CACTIN: variants seen among roughly 807,000 people sequenced by gnomAD.
The protein encoded by CACTIN is cactin, spliceosome C complex subunit.
Under a neutral mutation model 84.9 loss-of-function variants are expected in CACTIN, and 20 were observed. The ratio of observed to expected loss-of-function variants is 0.24; its 90% CI spans 0.17 to 0.34. The LOEUF (loss-of-function observed/expected upper bound fraction) is 0.34. CACTIN is among the 10% of genes least tolerant of loss of function. The probability of loss-of-function intolerance (pLI) is 1.00; values close to 1 mark genes in which losing one functional copy is unlikely to be tolerated. For missense variants in CACTIN, 897 were observed against 1,117.2 expected, an observed-to-expected ratio of 0.80 and a Z score of 2.81; for synonymous variants, 549 against 467.9, an observed-to-expected ratio of 1.17 and a Z score of -2.24.
intron 6 of CACTIN, chr19:3,616,322 T>C (rs1272018058): frequency 1.3e-5 from 2 of 152,260 alleles, no homozygotes; most frequent in East Asian, 3.8e-4. Flanking sequence ...AACTTATTCA[T>C]GTAAACGGCC....
Position 3,614,447 on chromosome 19 carries a change from G to A in CACTIN, c.1305C>T (p.Gly435=). 1 of 1,595,702 alleles carries A rather than the reference G, an allele frequency of 6.3e-7. No individual in the cohort carries two copies. Among genetic ancestry groups the A allele is most frequent in the African/African-American group, 1.3e-5 (1 of 74,696 alleles). Residue 435 remains glycine (G), a synonymous_variant, in exon 7 of 10, where the codon GGC becomes GGT. Transcript: ENST00000429344. The part of the protein sequence containing the change: ...IRAGGPNLDM[G]YWESLLQQLR... ...GCTGCTGCAGGAGGCTCTCCCAGTA[G>A]CCCATGTCCAGGTTGGGGCCACCAG...
Position 3,620,741 on chromosome 19 carries a change from C to T in CACTIN, c.704G>A (p.Arg235Lys), listed in dbSNP as rs1014670036. 5 of 1,613,418 alleles carry T rather than the reference C, an allele frequency of 3.1e-6. No homozygotes were observed. Among genetic ancestry groups the T allele is most frequent in the Admixed American group, 3.3e-5 (2 of 59,994 alleles). The change falls in exon 3 of 10, where the codon AGG (arginine) becomes AAG (lysine). Residue 235 changes from arginine to lysine, a missense_variant. Coordinates refer to ENST00000429344, the MANE Select transcript of CACTIN (RefSeq NM_001080543.2). ...CTCCAGCCGGTTGTCCTCCTGGATCCTCTTGTTCCGCTCCTTCAGCTCCTT... is the reference window on the plus strand; with the variant it reads ...CTCCAGCCGGTTGTCCTCCTGGATCTTCTTGTTCCGCTCCTTCAGCTCCTT... ...EEKELKERNK[R>K]IQEDNRLELQ...
In CACTIN at chr19:3,620,681, G is replaced by C. The variant is rs201825760; in HGVS notation, c.738+26C>G. 3,573 of 1,583,152 alleles carry C rather than the reference G, an allele frequency of 2.3e-3. 6 individuals carry two copies. The highest frequency in any genetic ancestry group is 2.9e-3 in the Non-Finnish European group (3,358 of 1,160,086). ...CCAGGCCCTGGAAAGGGAGGGCCCTGCCCAGTGGGCTGGCAGGGTGCCTAC... is the reference window on the plus strand; with the variant it reads ...CCAGGCCCTGGAAAGGGAGGGCCCTCCCCAGTGGGCTGGCAGGGTGCCTAC... On this transcript the variant is annotated intron_variant, in intron 3 of 9. Coordinates refer to ENST00000429344, the MANE Select transcript of CACTIN (RefSeq NM_001080543.2).
At chr19:3,614,371 C>T (rs2033056711) in intron 7 of CACTIN, 26 bp downstream of exon 7, 2 of 1,554,454 alleles carry the variant, frequency 1.3e-6, no homozygotes, top group South Asian at 2.4e-5. Flanking sequence ...ACGGCACCAA[C>T]CCTGGTACCC....
At position 3,613,032 on chromosome 19, in the gene CACTIN, CCCCTGGCCTCCA is replaced by C; in HGVS notation, c.1786+14_1786+25del. The C allele has an allele frequency of 6.7e-7, 1 of 1,489,182 alleles. No individual in the cohort carries two copies. The highest frequency in any genetic ancestry group is 8.9e-7 in the Non-Finnish European group (1 of 1,118,260). The allele number at this position is 1,489,182 out of a possible 1,614,324, so 92.2% of individuals were successfully genotyped here. On this transcript the variant is annotated intron_variant, in intron 9 of 9. Transcript: ENST00000429344. ...CCCCAGCTCGCCCCACTGGCCCCACCCCCTGGCCTCCAGCCCCGCCCTTACCCGTGACCTGGA... is the reference window on the plus strand; with the variant it reads ...CCCCAGCTCGCCCCACTGGCCCCACCGCCCCGCCCTTACCCGTGACCTGGA...
rs552000689 is a variant in CACTIN at position 3,615,231 on chromosome 19, C to T, written c.1163-642G>A. On this transcript the variant is annotated intron_variant, in intron 6 of 9. Coordinates refer to ENST00000429344, the MANE Select transcript of CACTIN (RefSeq NM_001080543.2). The surrounding 1 kb of genome is among the most constrained non-coding windows in gnomAD (Gnocchi z 5.2). ...TGGCATCTACCACTGGCCCAGGGGC[C>T]CGAGGCTCAAGTCCCTCCTCGATAG... 6.3e-6 allele frequency: 1 copy of T among 157,642 alleles called. No homozygotes were observed. The highest frequency in any genetic ancestry group is 1.9e-4 in the South Asian group (1 of 5,256). 9.8% of individuals were successfully genotyped at this position (157,642 alleles called of 1,614,324 possible).
intron 9 of CACTIN, 97 bp downstream of exon 9, chr19:3,612,961 T>C (rs910337253): frequency 4.4e-4 from 628 of 1,423,242 alleles, no homozygotes; most frequent in Non-Finnish European, 5.3e-4. Flanking sequence ...AGCTCCCCAC[T>C]GACGCCAGCG....
intron 2 of CACTIN, chr19:3,621,087 A>C: frequency 1.9e-6 from 1 of 520,780 alleles, no homozygotes; most frequent in Non-Finnish European, 3.5e-6. Context: ...AACTCCCAAC[A>C]GGAGGGCCTT....
chr19:3,617,541 G>A (rs1003812325), intron 6 of CACTIN, among the ~76,000 whole-genome samples: 6 of 152,182 alleles, frequency 3.9e-5, no homozygotes, highest in South Asian at 4.1e-4. Flanking sequence ...AGAGGCCGGG[G>A]CCTAGGGCAG....
At chr19:3,620,456 C>T in intron 3 of CACTIN, 184 bp from the exon 4 acceptor site, 1 of 763,146 alleles carries the variant, frequency 1.3e-6, no homozygotes, top group Non-Finnish European at 2.2e-6. Flanking sequence ...CGAGACTCAG[C>T]AGCTCAGATC....
In CACTIN at chr19:3,610,950, T is replaced by A. The variant is rs996033789; in HGVS notation, c.*973A>T. On this transcript the variant is annotated 3_prime_UTR_variant, in exon 10 of 10. Coordinates refer to ENST00000429344, the MANE Select transcript of CACTIN (RefSeq NM_001080543.2). Reference sequence around the variant, plus strand: ...ACTCCGACCTGGGCTGTGGCACCCGTGTGGCCCTCGGCCCTCCTGGCCTGA... The same window carrying A: ...ACTCCGACCTGGGCTGTGGCACCCGAGTGGCCCTCGGCCCTCCTGGCCTGA... The A allele has an allele frequency of 2.2e-6, 1 of 456,604 alleles. No homozygotes were observed. The highest frequency in any genetic ancestry group is 2.0e-5 in the African/African-American group (1 of 50,082). 28.3% of individuals were successfully genotyped at this position (456,604 alleles called of 1,614,324 possible). A position where few individuals can be genotyped will look rare whatever the true frequency, so the allele number is the denominator to read the frequency against.
chr19:3,611,825 C>G lies in CACTIN; in HGVS notation c.*98G>C, dbSNP rs753873271. ...CCTGAGGTGGGACGTGAACCCGCGG[C>G]CCTGCAGCCCAGACAGCGGCCCCGG... On this transcript the variant is annotated 3_prime_UTR_variant, in exon 10 of 10. Coordinates refer to ENST00000429344, the MANE Select transcript of CACTIN (RefSeq NM_001080543.2). The G allele has an allele frequency of 1.4e-6, 2 of 1,472,036 alleles. No homozygotes were observed. Among genetic ancestry groups the G allele is most frequent in the Admixed American group, 1.9e-5 (1 of 51,520 alleles). The allele number at this position is 1,472,036 out of a possible 1,614,324, so 91.2% of individuals were successfully genotyped here. A position where few individuals can be genotyped will look rare whatever the true frequency, so the allele number is the denominator to read the frequency against.
chr19:3,623,023 C>T (rs1469716723), intron 2 of CACTIN, among the ~76,000 whole-genome samples: 1 of 152,128 alleles, frequency 6.6e-6, no homozygotes, highest in Non-Finnish European at 1.5e-5. Flanking sequence ...ATCACTTGAG[C>T]TTAGGAGTTC....
Position 3,624,103 on chromosome 19 carries a change from CGCG to C in CACTIN, c.224_226del (p.Pro75del), listed in dbSNP as rs1322754383. 3.1e-6 allele frequency: 5 copies of C among 1,589,802 alleles called. No homozygotes were observed. In the African/African-American group the frequency reaches 6.7e-5, roughly 21 times the overall value. ...CCCATCTCTTGAGTGCCACTTGGGC[CGCG>C]GGGGGCTCCGGCTTCGCATCCCTGA... On this transcript the variant is annotated inframe_deletion, in exon 2 of 10. Transcript: ENST00000429344.
chr19:3,612,733 G>C, intron 9 of CACTIN: 1 of 696,142 alleles, frequency 1.4e-6, no homozygotes, highest in Non-Finnish European at 2.6e-6. Flanking sequence ...GACCCCCGAG[G>C]GGGTCCTGGC....
At chr19:3,614,045 T>C (rs1214783123) in intron 7 of CACTIN, 2 of 483,010 alleles carry the variant, frequency 4.1e-6, no homozygotes, top group African/African-American at 1.9e-5. Context: ...CGCAAGGCAG[T>C]GGGGACAGGC....
chr19:3,621,694 G>T (rs753967537), intron 2 of CACTIN, among the ~76,000 whole-genome samples: 1 of 152,240 alleles, frequency 6.6e-6, no homozygotes, highest in Non-Finnish European at 1.5e-5. Context: ...CCAGGCAGCA[G>T]TGTGTGCCTC....
chr19:3,623,507 C>T (rs7252742), intron 2 of CACTIN, among the ~76,000 whole-genome samples, 181 bp downstream of exon 2: 97,666 of 151,636 alleles, frequency 0.64, 31,552 homozygotes, highest in African/African-American at 0.68. Flanking sequence ...CCAGCCTGGG[C>T]GACAGAGCGA....
intron 1 of CACTIN, among the ~76,000 whole-genome samples, chr19:3,624,436 G>A (rs143414892): frequency 6.6e-6 from 1 of 152,206 alleles, no homozygotes; most frequent in Non-Finnish European, 1.5e-5. Context: ...CTGCAGGGCC[G>A]AGGTCAGAGA....
Sources: gnomAD v4.1 joint callset for allele counts (sites outside exome capture counted in the v4.1 genomes callset) on GRCh38, gnomAD v4.1.1 for gene constraint, Gnocchi (gnomAD v3.1) non-coding constraint, MANE v1.5 for transcripts, NCBI Gene and HGNC (gene_info 2026-07-23, HGNC 2026-07-21) for gene names.